RASGRP4: variants seen among roughly 807,000 people sequenced by gnomAD.
RASGRP4 encodes RAS guanyl releasing protein 4.
A neutral mutation model predicts 84.4 loss-of-function variants in RASGRP4; 52 were observed. The ratio of observed to expected loss-of-function variants is 0.62; its 90% CI spans 0.49 to 0.78. The LOEUF (loss-of-function observed/expected upper bound fraction) is 0.78. RASGRP4 is among the 30% of genes least tolerant of loss of function. The probability of loss-of-function intolerance (pLI) is 0.00; values close to 1 mark genes in which losing one functional copy is unlikely to be tolerated. For synonymous variants in RASGRP4, 356 were observed against 359.1 expected (o/e 0.99, Z 0.10); for missense variants, 760 against 886.9 (o/e 0.86, Z 1.82).
Position 38,420,009 on chromosome 19 carries a change from T to C in RASGRP4, c.514A>G (p.Ser172Gly), listed in dbSNP as rs765330338. 5 of 1,613,416 alleles carry C rather than the reference T, an allele frequency of 3.1e-6. No individual in the cohort carries two copies. The African/African-American group carries it at 5.3e-5, about 17-fold the overall frequency. Reference sequence around the variant, plus strand: ...AGTGGGGGGCCAGGGCCACCAGGGCTCAGGCTGGGGGCCAAGAGGGGCAGG... The same window carrying C: ...AGTGGGGGGCCAGGGCCACCAGGGCCCAGGCTGGGGGCCAAGAGGGGCAGG... ...RRLGDSSDLLSPGGPGPPLPM... is the reference protein window; with the variant it reads ...RRLGDSSDLLGPGGPGPPLPM... The change falls in exon 6 of 17, where the codon AGC (serine) becomes GGC (glycine). Residue 172 changes from serine to glycine, a missense_variant. Ser to Gly is a moderately conservative substitution (Grantham distance 56). Transcript: ENST00000615439.
At chr19:38,411,656 G>A (rs889895298) in intron 13 of RASGRP4, 22 of 419,376 alleles carry the variant, frequency 5.2e-5, no homozygotes, top group Non-Finnish European at 3.8e-5. Context: ...ATCGTACCAC[G>A]GCACTCCAGC....
At chr19:38,424,948 G>A (rs919523780) in intron 1 of RASGRP4, among the ~76,000 whole-genome samples, 3 of 152,082 alleles carry the variant, frequency 2.0e-5, no homozygotes, top group African/African-American at 7.2e-5. Context: ...CACTTTGGGA[G>A]GCCGAGGTGG....
At chr19:38,414,746 T>C (rs1971423158) in intron 9 of RASGRP4, 102 bp downstream of exon 9, 1 of 1,266,588 alleles carries the variant, frequency 7.9e-7, no homozygotes, top group Non-Finnish European at 1.1e-6. Context: ...ACCCATGCAC[T>C]CCAGCACTTT....
rs1600562498 is a variant in RASGRP4 at position 38,417,170 on chromosome 19, T to C, written c.838-2A>G. 20 of 1,549,720 alleles carry C rather than the reference T, an allele frequency of 1.3e-5. No individual in the cohort carries two copies. The highest frequency in any genetic ancestry group is 1.7e-5 in the Non-Finnish European group (20 of 1,144,302). On this transcript the variant is annotated splice_acceptor_variant, in intron 7 of 16. Coordinates refer to ENST00000615439, the MANE Select transcript of RASGRP4 (RefSeq NM_170604.3). LOFTEE classifies it high-confidence loss of function. This position sits in a 1 kb window ranked among gnomAD's most constrained non-coding sequence, Gnocchi z 5.1. ...GAAATTCTGCAGCTGGTGGAGCCTCTAGGAAGAGAAGCATGCACACAGGGC... is the reference window on the plus strand; with the variant it reads ...GAAATTCTGCAGCTGGTGGAGCCTCCAGGAAGAGAAGCATGCACACAGGGC...
Position 38,412,892 on chromosome 19 carries a change from T to C in RASGRP4, c.1535+39A>G. ...CCCAGGAGTCCAGGCAACCCCAGTG[T>C]CCTCATCTTCGGAGGATCCAGGAGT... is the stretch of plus-strand genomic sequence containing the variant. On this transcript the variant is annotated intron_variant, in intron 12 of 16. Transcript: ENST00000615439. This position sits in a 1 kb window ranked among gnomAD's most constrained non-coding sequence, Gnocchi z 4.6. The C allele has an allele frequency of 3.7e-6, 6 of 1,613,534 alleles. No homozygotes were observed. Among genetic ancestry groups the C allele is most frequent in the Non-Finnish European group, 5.1e-6 (6 of 1,179,502 alleles).
At position 38,413,253 on chromosome 19, in the gene RASGRP4, A is replaced by G. The variant is rs1358235994; in HGVS notation, c.1356T>C (p.Pro452=). 1 of 1,613,738 alleles carries G rather than the reference A, an allele frequency of 6.2e-7. No homozygotes were observed. Among genetic ancestry groups the G allele is most frequent in the African/African-American group, 1.3e-5 (1 of 74,974 alleles). ...CCCTGTCCGGCTTGGGTGTCACACC[A>G]GGGGCCCACTCCACCACCAGAGGTG... is the stretch of plus-strand genomic sequence containing the variant. ...FNAPLVVEWA[P]GVTPKPDRVT... The change falls in exon 11 of 17, where the codon CCT becomes CCC. Residue 452 remains proline, a synonymous_variant. Transcript: ENST00000615439. This position sits in a 1 kb window ranked among gnomAD's most constrained non-coding sequence, Gnocchi z 4.7.
At chr19:38,416,758 C>T (rs1402440439) in intron 8 of RASGRP4, among the ~76,000 whole-genome samples, 1 of 152,204 alleles carries the variant, frequency 6.6e-6, no homozygotes, top group Non-Finnish European at 1.5e-5. Context: ...CTGACCTCAG[C>T]CAGTCCTCCC....
chr19:38,416,978 G>A (rs1023006701), intron 8 of RASGRP4, 74 bp downstream of exon 8: 48 of 881,674 alleles, frequency 5.4e-5, no homozygotes, highest in Non-Finnish European at 8.6e-5. Flanking sequence ...GGAATGGACA[G>A]GGCTTGGGGA....
At chr19:38,414,717 TAGA>T in intron 9 of RASGRP4, 128 bp downstream of exon 9, 1 of 947,438 alleles carries the variant, frequency 1.1e-6, no homozygotes, top group Non-Finnish European at 1.5e-6. Flanking sequence ...GAAAAAAACC[TAGA>T]AGTTCTGGCT....
chr19:38,422,282 C>T, intron 1 of RASGRP4, 129 bp from the exon 2 acceptor site: 8 of 780,240 alleles, frequency 1.0e-5, no homozygotes, highest in Non-Finnish European at 1.6e-5. Flanking sequence ...AGGGTTACCC[C>T]TGACCTACCA....
At position 38,412,177 on chromosome 19, in the gene RASGRP4, G is replaced by A. The variant is rs557884170; in HGVS notation, c.1680+495C>T. The stretch of plus-strand genomic sequence containing the variant: ...TCTGTCACCCAAGCTGGAGTGCAGT[G>A]CTGCGATCTTGGCTCATGCAACCTC... On this transcript the variant is annotated intron_variant, in intron 13 of 16. Transcript: ENST00000615439. This position sits in a 1 kb window ranked among gnomAD's most constrained non-coding sequence, Gnocchi z 4.6. 6.6e-6 allele frequency among the ~76,000 whole-genome samples: 1 copy of A among 152,134 alleles called. No individual in the cohort carries two copies. The highest frequency in any genetic ancestry group is 2.4e-5 in the African/African-American group (1 of 41,424).
At position 38,409,142 on chromosome 19, in the gene RASGRP4, T is replaced by TG. The variant is rs11451323; in HGVS notation, c.*897_*898insC. The TG allele has an allele frequency of 0.019, 5,941 of 318,516 alleles. 135 individuals are homozygous for TG. Among genetic ancestry groups the TG allele is most frequent in the African/African-American group, 0.057 (2,435 of 42,376 alleles). The allele number at this position is 318,516 out of a possible 1,614,324, so 19.7% of individuals were successfully genotyped here. A position where few individuals can be genotyped will look rare whatever the true frequency, so the allele number is the denominator to read the frequency against. On this transcript the variant is annotated 3_prime_UTR_variant, in exon 17 of 17. Coordinates refer to ENST00000615439, the MANE Select transcript of RASGRP4 (RefSeq NM_170604.3). ...AGGGGTGTTGGGGTTTGTGAAGGGG[T>TG]TGGGGGGGTCTCTGCTCCCTGGGAC... is the stretch of plus-strand genomic sequence containing the variant.
At chr19:38,420,330 G>T in intron 4 of RASGRP4, 68 bp from the exon 5 acceptor site, 2 of 1,547,106 alleles carry the variant, frequency 1.3e-6, no homozygotes, top group Non-Finnish European at 8.7e-7. Context: ...GGGTATTTTG[G>T]GCTGAGGAAT....
At chr19:38,415,407 G>GTTTTGCTC (rs1180284421) in intron 8 of RASGRP4, among the ~76,000 whole-genome samples, 4 of 116,898 alleles carry the variant, frequency 3.4e-5, no homozygotes, top group African/African-American at 1.4e-4. Flanking sequence ...GAGTTTTGCT[G>GTTTTGCTC]TCTTGCCCAG....
intron 4 of RASGRP4, among the ~76,000 whole-genome samples, chr19:38,420,680 A>T (rs1161130158): frequency 7.4e-6 from 1 of 135,602 alleles, no homozygotes; most frequent in East Asian, 2.3e-4. Flanking sequence ...AGGAGGGTCT[A>T]TGGGATCTGG....
intron 6 of RASGRP4, among the ~76,000 whole-genome samples, chr19:38,419,268 A>G (rs879545342): frequency 1.3e-5 from 2 of 152,236 alleles, no homozygotes; most frequent in African/African-American, 4.8e-5. Context: ...ACCCTGGACC[A>G]GGCACTGTTC....
In RASGRP4 at chr19:38,414,829, C is replaced by T. The variant is rs771429048; in HGVS notation, c.1230+19G>A. The T allele has an allele frequency of 8.3e-6, 13 of 1,564,954 alleles. No homozygotes were observed. The highest frequency in any genetic ancestry group is 1.8e-4 in the Middle Eastern group (1 of 5,468). On this transcript the variant is annotated intron_variant, in intron 9 of 16. Transcript: ENST00000615439. ...AGTACCCTTGGAAGCCCAGCCTGGG[C>T]GGGGCCAGGGGGGCTCACCGTGAGC... is the stretch of plus-strand genomic sequence containing the variant.
chr19:38,410,974 G>A lies in RASGRP4; in HGVS notation c.1877C>T (p.Thr626Met), dbSNP rs772414329. 1.1e-4 allele frequency: 184 copies of A among 1,601,808 alleles called. 1 individual carries two copies. The highest frequency in any genetic ancestry group is 7.4e-4 in the East Asian group (33 of 44,462). Residue 626 changes from threonine to methionine, a missense_variant, in exon 16 of 17, where the codon ACG becomes ATG. Transcript: ENST00000615439. The part of the protein sequence containing the change: ...SCGSEENHSY[T>M]LSLEPETGCQ... ...CCCAGTCTCAGGCTCCAGGGATAGC[G>A]TGTAGGAGTGATTTTCCTCGGAGCC...
At chr19:38,415,955 A>G (rs1002434515) in intron 8 of RASGRP4, among the ~76,000 whole-genome samples, 1 of 151,330 alleles carries the variant, frequency 6.6e-6, no homozygotes, top group African/African-American at 2.4e-5. Context: ...GCTACTCGGG[A>G]GTCTGAGGCA....
Sources: allele counts gnomAD v4.1 joint callset (sites outside exome capture counted in the v4.1 genomes callset), GRCh38; gene constraint gnomAD v4.1.1; non-coding constraint Gnocchi (gnomAD v3.1); transcripts MANE v1.5; gene names NCBI Gene and HGNC (gene_info 2026-07-23, HGNC 2026-07-21).